ANXA3: variants seen among roughly 807,000 people sequenced by gnomAD.
The protein encoded by ANXA3 is annexin A3.
In ANXA3, 46 loss-of-function variants were observed where a neutral mutation model predicts 48.8. That is an observed-to-expected ratio of 0.94 (90% CI 0.74 to 1.21). The LOEUF is 1.21. Ranked by LOEUF, ANXA3 falls within the 50% of genes most tolerant of loss-of-function variation. The pLI, the probability that ANXA3 is intolerant of heterozygous loss-of-function variation, is 0.00. For missense variants in ANXA3, 383 were observed against 378.6 expected (o/e 1.01, Z -0.10); for synonymous variants, 128 against 134.7 (o/e 0.95, Z 0.35).
chr4:78,558,841 G>A (rs1484033768), intron 2 of ANXA3, among the ~76,000 whole-genome samples: 2 of 152,146 alleles, frequency 1.3e-5, no homozygotes, highest in East Asian at 3.8e-4. Flanking sequence ...TCCACAGCAA[G>A]CACTCAGGAA....
At chr4:78,556,722 T>C (rs891448529) in intron 2 of ANXA3, among the ~76,000 whole-genome samples, 2 of 151,954 alleles carry the variant, frequency 1.3e-5, no homozygotes, top group Non-Finnish European at 2.9e-5. Context: ...TATGAACATA[T>C]CATAGAATCA....
At chr4:78,555,379 A>G (rs1013566038) in intron 2 of ANXA3, among the ~76,000 whole-genome samples, 1 of 152,262 alleles carries the variant, frequency 6.6e-6, no homozygotes, top group Non-Finnish European at 1.5e-5. Context: ...TAGAGGCAGA[A>G]GACAGCTCGC....
intron 2 of ANXA3, among the ~76,000 whole-genome samples, chr4:78,570,225 A>G (rs1722816284): frequency 6.6e-6 from 1 of 152,088 alleles, no homozygotes; most frequent in Non-Finnish European, 1.5e-5. Context: ...TTCCTCCCCC[A>G]TTTAATTCTT....
chr4:78,589,464 G>A (rs1002776556), intron 6 of ANXA3, among the ~76,000 whole-genome samples: 2 of 152,160 alleles, frequency 1.3e-5, no homozygotes, highest in Admixed American at 1.3e-4. Flanking sequence ...ACCCAGTTAT[G>A]TTGTCACTCT....
chr4:78,594,314 G>GT (rs58363415), intron 7 of ANXA3, among the ~76,000 whole-genome samples: 109,993 of 152,080 alleles, frequency 0.72, 40,013 homozygotes, highest in East Asian at 0.88. Context: ...TTGCTTCCAA[G>GT]TTTGGCAATT....
intron 3 of ANXA3, among the ~76,000 whole-genome samples, chr4:78,577,335 A>T (rs1363881036): frequency 6.6e-6 from 1 of 152,194 alleles, no homozygotes; most frequent in Non-Finnish European, 1.5e-5. Context: ...TGCCTGGATG[A>T]CTATATCCAT....
At position 78,579,055 on chromosome 4, in the gene ANXA3, TCTGA is replaced by T; in HGVS notation, c.137_140del (p.Thr46ArgfsTer9). On this transcript the variant is annotated frameshift_variant, in exon 4 of 13. Coordinates refer to ENST00000264908, the MANE Select transcript of ANXA3 (RefSeq NM_005139.3). LOFTEE classifies it high-confidence loss of function. ...CTGATGAGAAAATGCTCATCAGCAT[TCTGA>T]CTGAGAGGTCAAATGCACAGCGGCA... 1 of 1,612,668 alleles carries T rather than the reference TCTGA, an allele frequency of 6.2e-7. No individual in the cohort carries two copies.
At chr4:78,591,264 A>AG (rs1723289965) in intron 6 of ANXA3, among the ~76,000 whole-genome samples, 1 of 152,206 alleles carries the variant, frequency 6.6e-6, no homozygotes, top group South Asian at 2.1e-4. Context: ...CTTTTCCACT[A>AG]TGCATCCCTT....
At chr4:78,581,772 C>G (rs1402667740) in intron 4 of ANXA3, among the ~76,000 whole-genome samples, 4 of 152,188 alleles carry the variant, frequency 2.6e-5, no homozygotes, top group Non-Finnish European at 5.9e-5. Context: ...CCTCTTGGAG[C>G]TCTTTGGGAG....
chr4:78,587,929 T>TA (rs1001508345), intron 6 of ANXA3, among the ~76,000 whole-genome samples: 4 of 151,832 alleles, frequency 2.6e-5, no homozygotes, highest in African/African-American at 9.7e-5. Flanking sequence ...CCATCTCTAC[T>TA]AAAAAATACA....
chr4:78,608,163 G>A (rs1261743497), intron 12 of ANXA3, among the ~76,000 whole-genome samples: 1 of 152,054 alleles, frequency 6.6e-6, no homozygotes, highest in Non-Finnish European at 1.5e-5. Flanking sequence ...CTGCCCTTAT[G>A]GAATTACAAC....
chr4:78,586,613 A>G (rs995023803), intron 6 of ANXA3, among the ~76,000 whole-genome samples: 1 of 152,236 alleles, frequency 6.6e-6, no homozygotes, highest in Admixed American at 6.5e-5. Flanking sequence ...GCTCTCGGCA[A>G]TCTCTCATTA....
intron 7 of ANXA3, among the ~76,000 whole-genome samples, chr4:78,593,481 C>T (rs1001437762): frequency 4.6e-5 from 7 of 150,978 alleles, no homozygotes; most frequent in Admixed American, 1.3e-4. Flanking sequence ...GGATTACAGG[C>T]GTGAGCCACT....
chr4:78,598,625 C>T (rs575495319), intron 10 of ANXA3, among the ~76,000 whole-genome samples: 33 of 152,138 alleles, frequency 2.2e-4, no homozygotes, highest in African/African-American at 4.3e-4. Context: ...CTGCAACCTC[C>T]GCCTTCCAGG....
intron 7 of ANXA3, among the ~76,000 whole-genome samples, chr4:78,594,794 C>T (rs941866930): frequency 3.9e-5 from 6 of 152,116 alleles, no homozygotes; most frequent in African/African-American, 1.2e-4. Context: ...ATACATGTTA[C>T]AAATATGTTC....
At chr4:78,592,613 A>G (rs1052334931) in intron 7 of ANXA3, among the ~76,000 whole-genome samples, 1 of 152,226 alleles carries the variant, frequency 6.6e-6, no homozygotes, top group African/African-American at 2.4e-5. Context: ...ACAGGGTTCT[A>G]GAATCAAACA....
At chr4:78,594,599 T>A (rs1193366673) in intron 7 of ANXA3, among the ~76,000 whole-genome samples, 1 of 152,200 alleles carries the variant, frequency 6.6e-6, no homozygotes, top group Non-Finnish European at 1.5e-5. Flanking sequence ...TGTAGTGGCA[T>A]CTTATTGTTT....
At chr4:78,569,090 T>C (rs190788031) in intron 2 of ANXA3, among the ~76,000 whole-genome samples, 44 of 152,340 alleles carry the variant, frequency 2.9e-4, no homozygotes, top group African/African-American at 1.1e-3. Context: ...CAATTGTTCT[T>C]AGTATAAAGA....
intron 2 of ANXA3, 191 bp from the exon 3 acceptor site, chr4:78,572,989 G>A: frequency 2.9e-6 from 2 of 694,280 alleles, no homozygotes; most frequent in Admixed American, 3.7e-5. Flanking sequence ...GCAAGATGGA[G>A]TCAACCATGT....
Sources: gnomAD v4.1 joint callset for allele counts (sites outside exome capture counted in the v4.1 genomes callset) on GRCh38, gnomAD v4.1.1 for gene constraint, MANE v1.5 for transcripts, NCBI Gene and HGNC (gene_info 2026-07-23, HGNC 2026-07-21) for gene names.